RFX3: variants seen among roughly 807,000 people sequenced by gnomAD.
The protein encoded by RFX3 is transcription factor RFX3.
In RFX3, 14 loss-of-function variants were observed where a neutral mutation model predicts 98.6. The observed-to-expected ratio is 0.14, with a 90% confidence interval of 0.09 to 0.22. The LOEUF (loss-of-function observed/expected upper bound fraction) is 0.22, where lower values mean the gene tolerates loss of function less well. Ranked by LOEUF, RFX3 falls within the 10% of genes least tolerant of loss-of-function variation. RFX3 has a pLI of 1.00. For synonymous variants in RFX3, 383 were observed against 328.4 expected, an observed-to-expected ratio of 1.17 and a Z score of -1.80; for missense variants, 639 against 926.9, an observed-to-expected ratio of 0.69 and a Z score of 4.03.
At chr9:3,307,628 T>C (rs1388050415) in intron 4 of RFX3, among the ~76,000 whole-genome samples, 1 of 152,210 alleles carries the variant, frequency 6.6e-6, no homozygotes, top group Non-Finnish European at 1.5e-5. Context: ...GGCCTTTATT[T>C]CATCACTATG....
At position 3,222,408 on chromosome 9, in the gene RFX3, T is replaced by TCCCC. The variant is rs984600266; in HGVS notation, c.*2630_*2633dup. The stretch of plus-strand genomic sequence containing the variant: ...GGAAGAAATGTTGAATCCTGGAGCA[T>TCCCC]CCCCGATCCCTAAGCCTCATCAATC... On this transcript the variant is annotated 3_prime_UTR_variant, in exon 17 of 17. Transcript: ENST00000617270. 2.0e-5 allele frequency: 3 copies of TCCCC among 152,176 alleles called. No homozygotes were observed. Among genetic ancestry groups the TCCCC allele is most frequent in the African/African-American group, 7.2e-5 (3 of 41,454 alleles). 9.4% of individuals were successfully genotyped at this position (152,176 alleles called of 1,614,324 possible). A position where few individuals can be genotyped will look rare whatever the true frequency, so the allele number is the denominator to read the frequency against.
intron 1 of RFX3, among the ~76,000 whole-genome samples, chr9:3,525,162 G>T (rs1004393598): frequency 6.6e-6 from 1 of 152,074 alleles, no homozygotes; most frequent in Non-Finnish European, 1.5e-5. Flanking sequence ...AAGGGAATGG[G>T]CGGTGGGAAA....
intron 1 of RFX3, among the ~76,000 whole-genome samples, chr9:3,504,168 TATTA>T (rs1816385631): frequency 1.0e-5 from 1 of 97,760 alleles, no homozygotes. Flanking sequence ...ATATTATATA[TATTA>T]TATATTATAC....
intron 1 of RFX3, among the ~76,000 whole-genome samples, chr9:3,460,442 A>C (rs890950064): frequency 3.3e-5 from 5 of 151,990 alleles, no homozygotes; most frequent in Non-Finnish European, 7.4e-5. Flanking sequence ...TTATTTTTTA[A>C]AAGTCCTTGT....
At chr9:3,483,237 T>C (rs1211649217) in intron 1 of RFX3, among the ~76,000 whole-genome samples, 2 of 152,132 alleles carry the variant, frequency 1.3e-5, no homozygotes, top group Non-Finnish European at 2.9e-5. Flanking sequence ...TCATTTTAGT[T>C]GTCACAATGA....
intron 1 of RFX3, among the ~76,000 whole-genome samples, chr9:3,438,300 C>T (rs1292866634): frequency 1.3e-5 from 2 of 152,016 alleles, no homozygotes; most frequent in African/African-American, 4.8e-5. Context: ...AATCCTCAGT[C>T]AAAAATACTT....
Position 3,218,915 on chromosome 9 carries a change from A to G in RFX3, c.*6127T>C, listed in dbSNP as rs577446088. 7.2e-5 allele frequency: 11 copies of G among 152,282 alleles called. No homozygotes were observed. Among genetic ancestry groups the G allele is most frequent in the Non-Finnish European group, 5.9e-5 (4 of 68,010 alleles). The allele number at this position is 152,282 out of a possible 1,614,324, so 9.4% of individuals were successfully genotyped here. On this transcript the variant is annotated 3_prime_UTR_variant, in exon 17 of 17. Coordinates refer to ENST00000617270, the MANE Select transcript of RFX3 (RefSeq NM_001282116.2). ...TTTAAATGATGGCACTTAAAAAAAA[A>G]TACAGTATCTTAAAAAAACACAATG...
At chr9:3,235,599 G>A (rs1260740842) in intron 15 of RFX3, among the ~76,000 whole-genome samples, 3 of 152,168 alleles carry the variant, frequency 2.0e-5, no homozygotes, top group Non-Finnish European at 4.4e-5. Context: ...TCTTTCTGAA[G>A]TGTCTAGAAA....
intron 16 of RFX3, 35 bp downstream of exon 16, chr9:3,228,812 A>G: frequency 6.4e-7 from 1 of 1,566,716 alleles, no homozygotes; most frequent in Non-Finnish European, 8.7e-7. Flanking sequence ...TAATAAATAA[A>G]AGTTCTTAAA....
At chr9:3,482,582 G>A (rs759306284) in intron 1 of RFX3, among the ~76,000 whole-genome samples, 3 of 152,100 alleles carry the variant, frequency 2.0e-5, no homozygotes, top group Non-Finnish European at 2.9e-5. Context: ...TGTTAATTAC[G>A]TTTAATATAA....
In RFX3 at chr9:3,396,398, C is replaced by T. The variant is rs146793675; in HGVS notation, c.-8-802G>A. Among the ~76,000 whole-genome samples, 6 of 152,250 alleles carry T rather than the reference C, an allele frequency of 3.9e-5. No individual in the cohort carries two copies. In the East Asian group the frequency reaches 1.2e-3, roughly 29 times the overall value. ...TCATTTTTTATGGCTGCATAGTATT[C>T]CATGGTGTATATGTGCCACATTTTC... On this transcript the variant is annotated intron_variant, in intron 1 of 16. Coordinates refer to ENST00000617270, the MANE Select transcript of RFX3 (RefSeq NM_001282116.2).
At chr9:3,410,808 G>C (rs141019928) in intron 1 of RFX3, among the ~76,000 whole-genome samples, 19 of 152,210 alleles carry the variant, frequency 1.2e-4, no homozygotes, top group African/African-American at 4.1e-4. Flanking sequence ...AAACTGCTTT[G>C]TACAAATGTA....
intron 1 of RFX3, among the ~76,000 whole-genome samples, chr9:3,404,261 T>G (rs1224047343): frequency 6.6e-6 from 1 of 152,198 alleles, no homozygotes; most frequent in Non-Finnish European, 1.5e-5. Context: ...ATAATGCTAT[T>G]AAATTTTTAC....
chr9:3,354,649 T>G (rs1835536797), intron 2 of RFX3, among the ~76,000 whole-genome samples: 1 of 151,810 alleles, frequency 6.6e-6, no homozygotes, highest in Non-Finnish European at 1.5e-5. Context: ...GAGGATCCTT[T>G]TTCTGACAAA....
At chr9:3,476,191 T>A (rs1283891565) in intron 1 of RFX3, among the ~76,000 whole-genome samples, 3 of 150,454 alleles carry the variant, frequency 2.0e-5, no homozygotes, top group Non-Finnish European at 4.4e-5. Flanking sequence ...AATATATACA[T>A]ATAATTCATA....
intron 1 of RFX3, among the ~76,000 whole-genome samples, chr9:3,488,346 T>C (rs868701434): frequency 2.2e-4 from 33 of 152,296 alleles, no homozygotes; most frequent in African/African-American, 7.9e-4. Flanking sequence ...TAAGTACTTT[T>C]AATAAAAGTA....
intron 1 of RFX3, among the ~76,000 whole-genome samples, chr9:3,476,484 C>G (rs986083025): frequency 6.6e-6 from 1 of 152,060 alleles, no homozygotes; most frequent in African/African-American, 2.4e-5. Context: ...GATGAAGTAG[C>G]TCAGTGACAG....
At chr9:3,469,263 T>A (rs1314061144) in intron 1 of RFX3, 1 of 441,000 alleles carries the variant, frequency 2.3e-6, no homozygotes, top group Admixed American at 2.5e-5. Context: ...GTTATGCTTC[T>A]GTGTTCATAT....
chr9:3,316,724 C>T (rs1446891880), intron 4 of RFX3, among the ~76,000 whole-genome samples: 1 of 151,526 alleles, frequency 6.6e-6, no homozygotes, highest in African/African-American at 2.4e-5. Context: ...CATTCCTATA[C>T]ACCAATGACA....
Sources: allele counts gnomAD v4.1 joint callset (sites outside exome capture counted in the v4.1 genomes callset), GRCh38; gene constraint gnomAD v4.1.1; transcripts MANE v1.5; gene names NCBI Gene and HGNC (gene_info 2026-07-23, HGNC 2026-07-21).